The following PDE4B variants were observed in gnomAD, a reference collection of about 807,000 sequenced individuals.
PDE4B encodes 3',5'-cyclic-AMP phosphodiesterase 4B.
A neutral mutation model predicts 82.2 loss-of-function variants in PDE4B; 20 were observed. The ratio of observed to expected loss-of-function variants is 0.24; its 90% CI spans 0.17 to 0.35. The LOEUF (loss-of-function observed/expected upper bound fraction) is 0.35. Ranked by LOEUF, PDE4B falls within the 10% of genes least tolerant of loss-of-function variation. PDE4B has a pLI of 1.00. For missense variants in PDE4B, 655 were observed against 907.2 expected (o/e 0.72, Z 3.57); for synonymous variants, 320 against 318.9 (o/e 1.00, Z -0.04).
chr1:65,802,072 T>C (rs932793380), intron 1 of PDE4B, among the ~76,000 whole-genome samples: 2 of 152,234 alleles, frequency 1.3e-5, no homozygotes, highest in African/African-American at 4.8e-5. Context: ...AAAAGAAGGA[T>C]TCAATTGGGA....
intron 3 of PDE4B, among the ~76,000 whole-genome samples, chr1:66,072,097 G>A (rs781300255): frequency 6.6e-6 from 1 of 151,924 alleles, no homozygotes; most frequent in African/African-American, 2.4e-5. Flanking sequence ...ACACGTACAT[G>A]TACACACATA....
chr1:66,015,968 T>C (rs1229680086), intron 3 of PDE4B, among the ~76,000 whole-genome samples: 2 of 152,164 alleles, frequency 1.3e-5, no homozygotes, highest in African/African-American at 4.8e-5. Flanking sequence ...GGGCTAGGCA[T>C]TGGAGAAATT....
chr1:66,199,754 C>A (rs572246535), intron 3 of PDE4B, among the ~76,000 whole-genome samples: 7 of 152,126 alleles, frequency 4.6e-5, no homozygotes, highest in Admixed American at 2.6e-4. Flanking sequence ...AATTAAATTA[C>A]CAAGAGTGAT....
chr1:65,813,525 G>C (rs1645843772), intron 1 of PDE4B, among the ~76,000 whole-genome samples: 1 of 152,128 alleles, frequency 6.6e-6, no homozygotes, highest in South Asian at 2.1e-4. Context: ...ACAGATTTTA[G>C]AAGTGAACAA....
rs67481716 is a variant in PDE4B at position 66,082,641 on chromosome 1, A to AATATATATATAT, written c.281+163814_281+163825dup. Among the ~76,000 whole-genome samples the AATATATATATAT allele has an allele frequency of 3.0e-3, 447 of 147,890 alleles. 1 individual carries two copies. Among genetic ancestry groups the AATATATATATAT allele is most frequent in the East Asian group, 5.4e-3 (27 of 5,040 alleles). ...ATAGGAATTTTGATAGGATTGAAATAATATATATATATATATATACAGTGC... is the reference window on the plus strand; with the variant it reads ...ATAGGAATTTTGATAGGATTGAAATAATATATATATATATATATATATATATATATACAGTGC... On this transcript the variant is annotated intron_variant, in intron 3 of 16. Coordinates refer to ENST00000341517, the MANE Select transcript of PDE4B (RefSeq NM_002600.4).
At chr1:65,949,167 C>T (rs561899660) in intron 3 of PDE4B, among the ~76,000 whole-genome samples, 1 of 152,180 alleles carries the variant, frequency 6.6e-6, no homozygotes, top group South Asian at 2.1e-4. Context: ...TTAGGGAACC[C>T]ACTACCATAA....
At chr1:65,844,395 T>C (rs765104511) in intron 1 of PDE4B, among the ~76,000 whole-genome samples, 1 of 152,194 alleles carries the variant, frequency 6.6e-6, no homozygotes, top group Non-Finnish European at 1.5e-5. Flanking sequence ...GCCTTGATGA[T>C]AGATCTAACA....
At chr1:66,148,941 T>C (rs1371553475) in intron 3 of PDE4B, among the ~76,000 whole-genome samples, 2 of 152,246 alleles carry the variant, frequency 1.3e-5, no homozygotes, top group Non-Finnish European at 2.9e-5. Flanking sequence ...AGTTTTTGAC[T>C]ATCATGAACA....
chr1:66,026,334 T>TC (rs1017899226), intron 3 of PDE4B, among the ~76,000 whole-genome samples: 23 of 152,172 alleles, frequency 1.5e-4, no homozygotes, highest in African/African-American at 5.1e-4. Flanking sequence ...ATGTCAATGG[T>TC]CCCTTTCTAT....
At chr1:65,861,203 C>G (rs1206146396) in intron 1 of PDE4B, among the ~76,000 whole-genome samples, 1 of 152,136 alleles carries the variant, frequency 6.6e-6, no homozygotes, top group Non-Finnish European at 1.5e-5. Flanking sequence ...AATCTTTAAT[C>G]CATCTTGAGT....
At chr1:65,957,603 G>A (rs1649326772) in intron 3 of PDE4B, among the ~76,000 whole-genome samples, 1 of 151,990 alleles carries the variant, frequency 6.6e-6, no homozygotes, top group South Asian at 2.1e-4. Context: ...CATTGTAATT[G>A]TATTGAATTT....
At chr1:65,931,616 C>T (rs530702694) in intron 3 of PDE4B, among the ~76,000 whole-genome samples, 198 of 152,308 alleles carry the variant, frequency 1.3e-3, no homozygotes, top group African/African-American at 4.1e-3. Flanking sequence ...CTTCCCCCAA[C>T]GAACCCACCA....
chr1:66,019,983 G>A (rs985169430), intron 3 of PDE4B, among the ~76,000 whole-genome samples: 3 of 152,170 alleles, frequency 2.0e-5, no homozygotes, highest in African/African-American at 4.8e-5. Flanking sequence ...TCACTGGGTG[G>A]TTACTCATGA....
chr1:66,011,680 A>T (rs1652495900), intron 3 of PDE4B, among the ~76,000 whole-genome samples: 1 of 152,040 alleles, frequency 6.6e-6, no homozygotes, highest in Non-Finnish European at 1.5e-5. Flanking sequence ...TTTTCCTGTG[A>T]GACATCTGTA....
chr1:65,878,952 G>A (rs879705550), intron 1 of PDE4B, among the ~76,000 whole-genome samples: 2 of 152,072 alleles, frequency 1.3e-5, no homozygotes, highest in African/African-American at 2.4e-5. Context: ...TAAATAATGA[G>A]AGTATTTTTT....
At chr1:66,038,504 A>C (rs139488907) in intron 3 of PDE4B, among the ~76,000 whole-genome samples, 1 of 152,050 alleles carries the variant, frequency 6.6e-6, no homozygotes, top group African/African-American at 2.4e-5. Context: ...CGGCATTCTT[A>C]AAGTTCAAGG....
intron 3 of PDE4B, among the ~76,000 whole-genome samples, chr1:66,138,291 G>T (rs1472032632): frequency 6.6e-6 from 1 of 152,196 alleles, no homozygotes; most frequent in Non-Finnish European, 1.5e-5. Context: ...GGCCAAGGTG[G>T]TTGGATCACC....
intron 3 of PDE4B, among the ~76,000 whole-genome samples, chr1:65,934,645 A>C (rs1648024609): frequency 6.6e-6 from 1 of 152,234 alleles, no homozygotes; most frequent in African/African-American, 2.4e-5. Context: ...TAAGAAACTC[A>C]CTTTAGATTT....
intron 1 of PDE4B, among the ~76,000 whole-genome samples, chr1:65,908,089 G>A (rs1470595177): frequency 6.6e-6 from 1 of 152,182 alleles, no homozygotes; most frequent in Non-Finnish European, 1.5e-5. Flanking sequence ...TACTGAAAAT[G>A]AAGAACCATT....
Sources: gnomAD v4.1 joint callset for allele counts (sites outside exome capture counted in the v4.1 genomes callset) on GRCh38, gnomAD v4.1.1 for gene constraint, MANE v1.5 for transcripts, NCBI Gene and HGNC (gene_info 2026-07-23, HGNC 2026-07-21) for gene names.